Variants in PRPF31 observed in about 807,000 individuals in gnomAD.
PRPF31 encodes U4/U6 small nuclear ribonucleoprotein Prp31.
Under a neutral mutation model 60.4 loss-of-function variants are expected in PRPF31, and 12 were observed. The observed-to-expected ratio is 0.20, with a 90% CI of 0.13 to 0.32. The LOEUF (loss-of-function observed/expected upper bound fraction) is 0.32. Ranked by LOEUF, PRPF31 falls within the 10% of genes least tolerant of loss-of-function variation. PRPF31 has a pLI of 1.00. For missense variants in PRPF31, 431 were observed against 687.1 expected, an observed-to-expected ratio of 0.63 and a Z score of 4.17; for synonymous variants, 287 against 287.9, an observed-to-expected ratio of 1.00 and a Z score of 0.03.
Position 54,128,288 on chromosome 19 carries a change from C to T in PRPF31, c.1074-17C>T. 2 of 1,315,274 alleles carry T rather than the reference C, an allele frequency of 1.5e-6. No individual in the cohort carries two copies. Among genetic ancestry groups the T allele is most frequent in the Non-Finnish European group, 2.1e-6 (2 of 971,170 alleles). The allele number at this position is 1,315,274 out of a possible 1,614,324, so 81.5% of individuals were successfully genotyped here. On this transcript the variant is annotated splice_polypyrimidine_tract_variant and intron_variant, in intron 10 of 13. Coordinates refer to ENST00000321030, the MANE Select transcript of PRPF31 (RefSeq NM_015629.4). ...TCCCAGCCGACTCCCTGGCGCCGCC[C>T]ACCCACCCGTCCCCAGGTACCGCAA...
Position 54,128,508 on chromosome 19 carries a change from C to T in PRPF31, c.1146+131C>T, listed in dbSNP as rs867764596. ...CTAGGGCGCTGCCCCAGCCTCCCCCCCCCCGGCCTCTATTCTCGTTTCCAT... is the reference window on the plus strand; with the variant it reads ...CTAGGGCGCTGCCCCAGCCTCCCCCTCCCCGGCCTCTATTCTCGTTTCCAT... On this transcript the variant is annotated intron_variant, in intron 11 of 13. Coordinates refer to ENST00000321030, the MANE Select transcript of PRPF31 (RefSeq NM_015629.4). The T allele has an allele frequency of 4.4e-4, 411 of 943,114 alleles. No homozygotes were observed. In the African/African-American group the frequency reaches 5.8e-3, roughly 13 times the overall value. The allele number at this position is 943,114 out of a possible 1,614,324, so 58.4% of individuals were successfully genotyped here. A position where few individuals can be genotyped will look rare whatever the true frequency, so the allele number is the denominator to read the frequency against.
chr19:54,121,354 C>T (rs2073783623), intron 3 of PRPF31, among the ~76,000 whole-genome samples: 1 of 146,682 alleles, frequency 6.8e-6, no homozygotes, highest in Non-Finnish European at 1.5e-5. Flanking sequence ...GCACTGTGAT[C>T]ACTCCTTTAT....
chr19:54,126,818 T>C lies in PRPF31; in HGVS notation c.945+201T>C, dbSNP rs142439986. 7.1e-3 allele frequency among the ~76,000 whole-genome samples: 1,074 copies of C among 152,274 alleles called. 10 individuals are homozygous for C. The highest frequency in any genetic ancestry group is 0.024 in the African/African-American group (1,009 of 41,562). On this transcript the variant is annotated intron_variant, in intron 9 of 13. Coordinates refer to ENST00000321030, the MANE Select transcript of PRPF31 (RefSeq NM_015629.4). ...CTAGGTCTGCTGTTGGAAGGTAGCA[T>C]GAACCTACTGGCTTAAAACAGTGCA... is the stretch of plus-strand genomic sequence containing the variant.
At chr19:54,124,127 G>A in intron 7 of PRPF31, 1 of 1,106,486 alleles carries the variant, frequency 9.0e-7, no homozygotes, top group Non-Finnish European at 1.3e-6. Flanking sequence ...TCCCTCCCCT[G>A]TGCCGGAAAC....
At chr19:54,124,367 G>A in intron 7 of PRPF31, 132 bp from the exon 8 acceptor site, 2 of 910,044 alleles carry the variant, frequency 2.2e-6, no homozygotes, top group Non-Finnish European at 3.5e-6. Context: ...GCCTGGCAGG[G>A]CCATCGAGGA....
chr19:54,126,517 C>G lies in PRPF31; in HGVS notation c.856-11C>G. On this transcript the variant is annotated splice_polypyrimidine_tract_variant and intron_variant, in intron 8 of 13. Coordinates refer to ENST00000321030, the MANE Select transcript of PRPF31 (RefSeq NM_015629.4). Reference sequence around the variant, plus strand: ...TCACACAGATTCCACCCCCGTTTTCCGTTGCTCCAGGATCTGCGGCGGAAA... The same window carrying G: ...TCACACAGATTCCACCCCCGTTTTCGGTTGCTCCAGGATCTGCGGCGGAAA... 1 of 1,611,528 alleles carries G rather than the reference C, an allele frequency of 6.2e-7. No homozygotes were observed. The highest frequency in any genetic ancestry group is 8.5e-7 in the Non-Finnish European group (1 of 1,178,960).
intron 3 of PRPF31, chr19:54,120,288 C>T (rs780100704): frequency 3.3e-5 from 5 of 152,136 alleles, no homozygotes; most frequent in Admixed American, 2.6e-4. Context: ...AGGCCAGGCT[C>T]AGGGATGGAG....
chr19:54,116,503 G>T (rs1190313730), intron 1 of PRPF31, among the ~76,000 whole-genome samples: 4 of 152,218 alleles, frequency 2.6e-5, no homozygotes, highest in Non-Finnish European at 4.4e-5. Context: ...ACCGCTCCCG[G>T]CCTTTTACAG....
In PRPF31 at chr19:54,129,126, C is replaced by G. The variant is rs200636980; in HGVS notation, c.1216C>G (p.Arg406Gly). ...LGHLGKSGSG[R>G]VRQTQVNEAT... ...CCACCTGGGCAAGTCGGGCAGTGGG[C>G]GTGTGCGGCAGACACAGGTAAACGA... The change falls in exon 12 of 14, where the codon CGT becomes GGT. Residue 406 changes from arginine (R) to glycine (G), a missense_variant. Coordinates refer to ENST00000321030, the MANE Select transcript of PRPF31 (RefSeq NM_015629.4). 52 of 1,582,138 alleles carry G rather than the reference C, an allele frequency of 3.3e-5. No individual in the cohort carries two copies. In the African/African-American group the frequency reaches 5.5e-4, roughly 17 times the overall value.
In PRPF31 at chr19:54,125,509, AACAAG is replaced by A. The variant is rs1568593123; in HGVS notation, c.855+854_855+858del. On this transcript the variant is annotated intron_variant, in intron 8 of 13. Coordinates refer to ENST00000321030, the MANE Select transcript of PRPF31 (RefSeq NM_015629.4). ...AGACTCTGTCTCAAAAAAAAAAAAAAACAAGCAAGACAGGTTCTGGGACAGACAGG... is the reference window on the plus strand; with the variant it reads ...AGACTCTGTCTCAAAAAAAAAAAAAACAAGACAGGTTCTGGGACAGACAGG... 4.7e-5 allele frequency among the ~76,000 whole-genome samples: 7 copies of A among 150,060 alleles called. 1 individual carries two copies. The highest frequency in any genetic ancestry group is 2.7e-4 in the Admixed American group (4 of 14,942).
At chr19:54,130,442 G>A (rs587733125) in intron 13 of PRPF31, among the ~76,000 whole-genome samples, 72 of 152,290 alleles carry the variant, frequency 4.7e-4, no homozygotes, top group African/African-American at 1.6e-3. Flanking sequence ...TGGCTAACAC[G>A]GTGAAACCCC....
At chr19:54,130,450 C>T (rs1355387040) in intron 13 of PRPF31, among the ~76,000 whole-genome samples, 1 of 152,126 alleles carries the variant, frequency 6.6e-6, no homozygotes, top group East Asian at 1.9e-4. Context: ...ACGGTGAAAC[C>T]CCGTCTCTAC....
intron 8 of PRPF31, among the ~76,000 whole-genome samples, chr19:54,125,928 T>G (rs865842864): frequency 1.3e-5 from 2 of 152,186 alleles, no homozygotes; most frequent in South Asian, 4.1e-4. Context: ...CCTGATGTCT[T>G]GTCACCCAGG....
chr19:54,123,735 A>T lies in PRPF31; in HGVS notation c.528-14A>T. On this transcript the variant is annotated splice_polypyrimidine_tract_variant and intron_variant, in intron 6 of 13. Coordinates refer to ENST00000321030, the MANE Select transcript of PRPF31 (RefSeq NM_015629.4). ...GCGGGAGACCCAGGAGGCTGGGCCC[A>T]CCCGCCCCTGCAGGCAGCAGCTGTC... is the stretch of plus-strand genomic sequence containing the variant. The T allele has an allele frequency of 6.2e-7, 1 of 1,601,928 alleles. No homozygotes were observed. The highest frequency in any genetic ancestry group is 8.5e-7 in the Non-Finnish European group (1 of 1,176,376).
chr19:54,129,305 G>T lies in PRPF31; in HGVS notation c.1309G>T (p.Gly437Trp). Residue 437 changes from glycine (G) to tryptophan (W), a missense_variant, in exon 13 of 14, where the codon GGG becomes TGG. Around this residue, in one of 4 missense-constraint regions of PRPF31, gnomAD observed 314 missense variants for 475.3 expected, o/e 0.66. Transcript: ENST00000321030. ...TLQKQSVVYG[G>W]KSTIRDRSSG... ...GCAGAAGCAGAGCGTCGTATATGGC[G>T]GGAAGTCCACCATCCGCGACCGCTC... 1 of 1,609,774 alleles carries T rather than the reference G, an allele frequency of 6.2e-7. No homozygotes were observed. The highest frequency in any genetic ancestry group is 2.2e-5 in the East Asian group (1 of 44,610).
intron 7 of PRPF31, 90 bp from the exon 8 acceptor site, chr19:54,124,409 G>T: frequency 8.5e-7 from 1 of 1,177,730 alleles, no homozygotes; most frequent in Non-Finnish European, 1.2e-6. Flanking sequence ...AAGGTGCCCA[G>T]CACACGTCGA....
chr19:54,123,238 G>T (rs2073836953), intron 5 of PRPF31: 2 of 613,746 alleles, frequency 3.3e-6, no homozygotes, highest in East Asian at 2.7e-5. Flanking sequence ...CCGTTTCCAG[G>T]TCAGCGAAAG....
Position 54,129,149 on chromosome 19 carries a change from C to T in PRPF31, c.1239C>T (p.Asn413=), listed in dbSNP as rs371720691. The T allele has an allele frequency of 1.4e-4, 215 of 1,581,746 alleles. No individual in the cohort carries two copies. The highest frequency in any genetic ancestry group is 4.7e-4 in the South Asian group (41 of 86,868). Reference sequence around the variant, plus strand: ...GGCGTGTGCGGCAGACACAGGTAAACGAGGCCACCAAGGCCAGGATCTCCA... The same window carrying T: ...GGCGTGTGCGGCAGACACAGGTAAATGAGGCCACCAAGGCCAGGATCTCCA... ...GSGRVRQTQV[N]EATKARISKT... Residue 413 remains asparagine (N), a synonymous_variant, in exon 12 of 14, where the codon AAC becomes AAT. Transcript: ENST00000321030.
chr19:54,130,488 G>A (rs1466002228), intron 13 of PRPF31, among the ~76,000 whole-genome samples: 1 of 152,204 alleles, frequency 6.6e-6, no homozygotes, highest in Non-Finnish European at 1.5e-5. Context: ...AGCCGGGCGT[G>A]GTGGCGGGCG....
Sources: gnomAD v4.1 joint callset for allele counts (sites outside exome capture counted in the v4.1 genomes callset) on GRCh38, gnomAD v4.1.1 for gene constraint, gnomAD v4.1.1 regional missense constraint, MANE v1.5 for transcripts, NCBI Gene and HGNC (gene_info 2026-07-23, HGNC 2026-07-21) for gene names.